Variants in KSR2 observed in about 807,000 individuals in gnomAD.
KSR2 encodes the protein kinase suppressor of ras 2.
KSR2 carries 25 observed loss-of-function variants against 107.8 expected under a neutral mutation model. The observed-to-expected ratio is 0.23, with a 90% CI of 0.17 to 0.32. The LOEUF (loss-of-function observed/expected upper bound fraction) is 0.32, where lower values mean the gene tolerates loss of function less well. Among genes scored for constraint, KSR2 ranks in the 10% least tolerant of loss-of-function variants. KSR2 has a pLI of 1.00. For missense variants in KSR2, 887 were observed against 1,268.9 expected (o/e 0.70, Z 4.57); for synonymous variants, 480 against 507.0 (o/e 0.95, Z 0.71).
intron 14 of KSR2, among the ~76,000 whole-genome samples, chr12:117,513,025 C>CA (rs963811911): frequency 5.9e-5 from 9 of 152,148 alleles, no homozygotes; most frequent in African/African-American, 2.2e-4. Context: ...CCTCCCCCCG[C>CA]AAAAAAATCA....
intron 5 of KSR2, among the ~76,000 whole-genome samples, chr12:117,593,962 C>T (rs531415630): frequency 9.2e-5 from 14 of 152,334 alleles, no homozygotes; most frequent in Middle Eastern, 3.4e-3. Context: ...GTTCTCAGAG[C>T]GTGTCCACAG....
intron 3 of KSR2, among the ~76,000 whole-genome samples, chr12:117,763,160 G>A (rs796919144): frequency 5.3e-4 from 80 of 151,478 alleles, no homozygotes; most frequent in African/African-American, 1.7e-3. Context: ...TTGTCCTTGC[G>A]ATAGTTTACT....
In KSR2 at chr12:117,939,898, G is replaced by T. The variant is rs560833916; in HGVS notation, c.180+28178C>A. ...GGAGGTTGCAGTGAGCCAAGATCGC[G>T]CCACTGCACTCCAGCCTGGGCGACA... On this transcript the variant is annotated intron_variant, in intron 1 of 19. Transcript: ENST00000339824. Among the ~76,000 whole-genome samples the T allele has an allele frequency of 7.1e-4, 108 of 151,264 alleles. 1 individual carries two copies. The highest frequency in any genetic ancestry group is 2.6e-3 in the African/African-American group (106 of 41,096).
chr12:117,673,852 A>T (rs1478895581), intron 4 of KSR2, among the ~76,000 whole-genome samples: 1 of 152,256 alleles, frequency 6.6e-6, no homozygotes, highest in Admixed American at 6.5e-5. Context: ...TCTGGAAATA[A>T]GGCCAATTCA....
chr12:117,478,316 A>G (rs1386069565), intron 16 of KSR2, among the ~76,000 whole-genome samples: 1 of 152,200 alleles, frequency 6.6e-6, no homozygotes, highest in Non-Finnish European at 1.5e-5. Context: ...AGAACTTTCC[A>G]TTATGCCAGA....
At chr12:117,787,588 G>A (rs765672641) in intron 3 of KSR2, among the ~76,000 whole-genome samples, 1 of 151,934 alleles carries the variant, frequency 6.6e-6, no homozygotes, top group African/African-American at 2.4e-5. Flanking sequence ...AGCCGACACT[G>A]CGCCACTGCA....
chr12:117,522,148 A>C (rs937586884), intron 14 of KSR2, among the ~76,000 whole-genome samples: 4 of 152,130 alleles, frequency 2.6e-5, no homozygotes, highest in Non-Finnish European at 4.4e-5. Flanking sequence ...GGGGCTCAGA[A>C]TTTTGTACAT....
At chr12:117,574,256 C>G (rs1879112059) in intron 7 of KSR2, among the ~76,000 whole-genome samples, 1 of 151,888 alleles carries the variant, frequency 6.6e-6, no homozygotes, top group Non-Finnish European at 1.5e-5. Flanking sequence ...GTTTGAGAAC[C>G]ATTATCTAGA....
intron 3 of KSR2, among the ~76,000 whole-genome samples, chr12:117,827,806 G>A (rs948789801): frequency 1.3e-5 from 2 of 152,176 alleles, no homozygotes; most frequent in Admixed American, 6.5e-5. Context: ...TGTCATAGAA[G>A]GTGATGAAAG....
intron 16 of KSR2, 82 bp from the exon 17 acceptor site, chr12:117,476,677 G>T: frequency 7.1e-7 from 1 of 1,416,554 alleles, no homozygotes. Context: ...TACGTCCCTG[G>T]AGCCATCTCT....
intron 1 of KSR2, among the ~76,000 whole-genome samples, chr12:117,876,474 C>T (rs895396357): frequency 7.2e-5 from 11 of 152,184 alleles, no homozygotes; most frequent in Non-Finnish European, 1.0e-4. Flanking sequence ...CCCCCCTCTC[C>T]GCTGTCTCAC....
chr12:117,624,317 T>TG (rs1277181664), intron 5 of KSR2, among the ~76,000 whole-genome samples: 1 of 152,140 alleles, frequency 6.6e-6, no homozygotes, highest in East Asian at 1.9e-4. Flanking sequence ...ATGTCCTGAA[T>TG]GTATTGCCTA....
intron 1 of KSR2, among the ~76,000 whole-genome samples, chr12:117,924,963 G>A (rs928572222): frequency 6.6e-6 from 1 of 152,124 alleles, no homozygotes; most frequent in African/African-American, 2.4e-5. Flanking sequence ...GATGCATACT[G>A]AAGTATTTAC....
At chr12:117,486,012 A>C (rs1093310) in intron 14 of KSR2, among the ~76,000 whole-genome samples, 52,214 of 152,100 alleles carry the variant, frequency 0.34, 9,587 homozygotes, top group African/African-American at 0.48. Flanking sequence ...CATAAATCAA[A>C]AACTTCTGGG....
chr12:117,940,058 T>C (rs926191842), intron 1 of KSR2, among the ~76,000 whole-genome samples: 4 of 152,092 alleles, frequency 2.6e-5, no homozygotes, highest in Non-Finnish European at 5.9e-5. Flanking sequence ...GTCTGCTTTT[T>C]ATAAAATACC....
intron 1 of KSR2, among the ~76,000 whole-genome samples, chr12:117,964,637 A>G (rs145486948): frequency 1.3e-5 from 2 of 152,334 alleles, no homozygotes; most frequent in East Asian, 3.9e-4. Context: ...TCATTCATTT[A>G]GCACCTGCAG....
chr12:117,604,078 C>T (rs1593041084), intron 5 of KSR2, among the ~76,000 whole-genome samples: 1 of 152,314 alleles, frequency 6.6e-6, no homozygotes, highest in East Asian at 1.9e-4. Context: ...AAAACTCTAC[C>T]TTCAGATCAA....
intron 4 of KSR2, among the ~76,000 whole-genome samples, chr12:117,739,365 T>C (rs754547555): frequency 6.6e-6 from 1 of 152,134 alleles, no homozygotes. Flanking sequence ...AAAAATATAA[T>C]TGAATAAAAT....
intron 10 of KSR2, 64 bp downstream of exon 10, chr12:117,539,655 C>T: frequency 6.9e-7 from 1 of 1,448,762 alleles, no homozygotes; most frequent in Admixed American, 2.4e-5. Flanking sequence ...CATGAACCCA[C>T]CCCCTCCCTA....
Sources: gnomAD v4.1 joint callset for allele counts (sites outside exome capture counted in the v4.1 genomes callset) on GRCh38, gnomAD v4.1.1 for gene constraint, MANE v1.5 for transcripts, NCBI Gene and HGNC (gene_info 2026-07-23, HGNC 2026-07-21) for gene names.